Variants in ACP3 observed in about 807,000 individuals in gnomAD.
ACP3 encodes acid phosphatase 3.
ACP3 carries 38 observed loss-of-function variants against 45.6 expected under a neutral mutation model. That is an observed-to-expected ratio of 0.83 (90% CI 0.64 to 1.09). ACP3 has a LOEUF of 1.09. Among genes scored for constraint, ACP3 ranks in the 50% least tolerant of loss-of-function variants. ACP3 has a pLI of 0.00. For synonymous variants in ACP3, 162 were observed against 164.7 expected, an observed-to-expected ratio of 0.98 and a Z score of 0.13; for missense variants, 466 against 463.2, an observed-to-expected ratio of 1.01 and a Z score of -0.05.
chr3:132,355,180 C>T (rs772082324), intron 9 of ACP3, among the ~76,000 whole-genome samples: 4 of 152,218 alleles, frequency 2.6e-5, no homozygotes, highest in Non-Finnish European at 5.9e-5. Flanking sequence ...CAGCAACCCG[C>T]TTATCAACCA....
At chr3:132,355,718 G>A (rs928971936) in intron 9 of ACP3, among the ~76,000 whole-genome samples, 27 of 152,066 alleles carry the variant, frequency 1.8e-4, no homozygotes, top group African/African-American at 5.5e-4. Flanking sequence ...GGGTTTCACC[G>A]TGTTAGCCAG....
At chr3:132,347,741 C>G (rs1275169493) in intron 7 of ACP3, among the ~76,000 whole-genome samples, 1 of 151,982 alleles carries the variant, frequency 6.6e-6, no homozygotes, top group Non-Finnish European at 1.5e-5. Flanking sequence ...CCTTGGCCTC[C>G]CAAAGTTCTG....
chr3:132,353,180 A>G (rs1355561384), intron 9 of ACP3, among the ~76,000 whole-genome samples: 15 of 152,246 alleles, frequency 9.9e-5, no homozygotes, highest in Non-Finnish European at 1.5e-5. Flanking sequence ...AAAGAATTCA[A>G]ACATATTCAT....
At chr3:132,345,949 T>G (rs1455735840) in intron 7 of ACP3, among the ~76,000 whole-genome samples, 1 of 152,142 alleles carries the variant, frequency 6.6e-6, no homozygotes, top group African/African-American at 2.4e-5. Flanking sequence ...AAGAGAAAGT[T>G]CATCATGTCA....
Position 132,328,442 on chromosome 3 carries a change from G to T in ACP3, c.216+80G>T, listed in dbSNP as rs1008215075. ...GCCTGTAATCCCAGCACTTTGGGAG[G>T]CCGAGGCAGGCGGATCAACTGAGGT... On this transcript the variant is annotated intron_variant, in intron 2 of 9. Transcript: ENST00000336375. 6.7e-6 allele frequency: 8 copies of T among 1,198,754 alleles called. No homozygotes were observed. The East Asian group carries it at 1.3e-4, about 19-fold the overall frequency. The allele number at this position is 1,198,754 out of a possible 1,614,324, so 74.3% of individuals were successfully genotyped here. A position where few individuals can be genotyped will look rare whatever the true frequency, so the allele number is the denominator to read the frequency against.
At chr3:132,321,788 G>A (rs1409195052) in intron 1 of ACP3, among the ~76,000 whole-genome samples, 2 of 152,162 alleles carry the variant, frequency 1.3e-5, no homozygotes, top group African/African-American at 4.8e-5. Context: ...TGCTCAATAG[G>A]TAGTGCTCAT....
At chr3:132,320,413 T>C (rs1937184702) in intron 1 of ACP3, among the ~76,000 whole-genome samples, 1 of 152,150 alleles carries the variant, frequency 6.6e-6, no homozygotes, top group Non-Finnish European at 1.5e-5. Flanking sequence ...CCACTTGAGT[T>C]TTTTAAGTTA....
Position 132,357,794 on chromosome 3 carries a change from G to C in ACP3, c.*916G>C, listed in dbSNP as rs1236046874. ...TACGCCTATAATCCCAGCATTTTGG[G>C]AGTCCGAGGTGGGCAGATCACTTGA... is the stretch of plus-strand genomic sequence containing the variant. On this transcript the variant is annotated 3_prime_UTR_variant, in exon 10 of 10. Coordinates refer to ENST00000336375, the MANE Select transcript of ACP3 (RefSeq NM_001099.5). 1 of 966,082 alleles carries C rather than the reference G, an allele frequency of 1.0e-6. No individual in the cohort carries two copies. Among genetic ancestry groups the C allele is most frequent in the African/African-American group, 1.8e-5 (1 of 56,772 alleles). The allele number at this position is 966,082 out of a possible 1,614,324, so 59.8% of individuals were successfully genotyped here.
rs35597004 is a variant in ACP3, at chr3:132,324,218, C to CAA, written c.121-4031_121-4030dup. Among the ~76,000 whole-genome samples the CAA allele has an allele frequency of 9.4e-3, 693 of 73,872 alleles. 4 individuals are homozygous for CAA. The highest frequency in any genetic ancestry group is 0.013 in the Admixed American group (78 of 6,212). The allele number at this position is 73,872 out of a possible 152,430, so 48.5% of individuals were successfully genotyped here. On this transcript the variant is annotated intron_variant, in intron 1 of 9. Transcript: ENST00000336375. ...GGGCAACAAGAGCAGGACTCCATCTCAAAAAAAAAAAAAAAAAAACTCCAC... is the reference window on the plus strand; with the variant it reads ...GGGCAACAAGAGCAGGACTCCATCTCAAAAAAAAAAAAAAAAAAAAACTCCAC...
At chr3:132,343,583 T>C (rs1047548263) in intron 6 of ACP3, among the ~76,000 whole-genome samples, 2 of 152,194 alleles carry the variant, frequency 1.3e-5, no homozygotes, top group South Asian at 2.1e-4. Flanking sequence ...AATGTGGTCA[T>C]GTCATGTGAT....
chr3:132,354,197 C>T (rs973849497), intron 9 of ACP3, among the ~76,000 whole-genome samples: 3 of 152,132 alleles, frequency 2.0e-5, no homozygotes, highest in African/African-American at 7.2e-5. Context: ...CAACCAAATT[C>T]CAGGATCAGC....
rs1937952699 is a variant in ACP3, at chr3:132,358,068, TA to T, written c.*1193del. The T allele has an allele frequency of 2.0e-5, 3 of 153,208 alleles. No individual in the cohort carries two copies. The highest frequency in any genetic ancestry group is 7.4e-5 in the African/African-American group (3 of 40,622). 9.5% of individuals were successfully genotyped at this position (153,208 alleles called of 1,614,324 possible). ...ATAAATAAATAAATAAATAAATAAATAAATAAATAAAAACAAAGTTGATTAA... is the reference window on the plus strand; with the variant it reads ...ATAAATAAATAAATAAATAAATAAATAATAAATAAAAACAAAGTTGATTAA... On this transcript the variant is annotated 3_prime_UTR_variant, in exon 10 of 10. Transcript: ENST00000336375.
downstream of ACP3, among the ~76,000 whole-genome samples, chr3:132,360,423 C>T (rs6791064): frequency 0.12 from 18,856 of 151,920 alleles, 1,400 homozygotes; most frequent in Non-Finnish European, 0.18. Context: ...ATGCAAGATA[C>T]TTTGCAACCC....
At chr3:132,343,925 G>A (rs1459903719) in intron 6 of ACP3, among the ~76,000 whole-genome samples, 2 of 152,100 alleles carry the variant, frequency 1.3e-5, no homozygotes, top group African/African-American at 4.8e-5. Flanking sequence ...TTTGAGGCTA[G>A]AAGTTCAGGA....
intron 10 of ACP3, among the ~76,000 whole-genome samples, chr3:132,365,332 G>A (rs889468208): frequency 6.6e-6 from 1 of 152,222 alleles, no homozygotes; most frequent in African/African-American, 2.4e-5. Context: ...TATACAAGAT[G>A]CACTTTTAAA....
chr3:132,356,671 G>T lies in ACP3; in HGVS notation c.969-15G>T, dbSNP rs779602566. On this transcript the variant is annotated splice_polypyrimidine_tract_variant and intron_variant, in intron 9 of 9. Transcript: ENST00000336375. The stretch of plus-strand genomic sequence containing the variant: ...CAGAACTAACAGAGCTCTCTCCTCT[G>T]CCTTTGTCTGCCAGGGAGTACTTTG... The T allele has an allele frequency of 1.2e-6, 2 of 1,613,490 alleles. No homozygotes were observed. Among genetic ancestry groups the T allele is most frequent in the Non-Finnish European group, 1.7e-6 (2 of 1,179,974 alleles).
downstream of ACP3, among the ~76,000 whole-genome samples, chr3:132,363,764 C>T (rs144367465): frequency 9.0e-3 from 1,365 of 151,788 alleles, 21 homozygotes; most frequent in East Asian, 0.036. Flanking sequence ...AAGGTGAAAC[C>T]CCATCTCTAT....
At chr3:132,348,767 C>G (rs947087881) in intron 7 of ACP3, among the ~76,000 whole-genome samples, 2 of 152,128 alleles carry the variant, frequency 1.3e-5, no homozygotes, top group Non-Finnish European at 1.5e-5. Context: ...TTTCCAGTAT[C>G]TTATAGAAAG....
downstream of ACP3, among the ~76,000 whole-genome samples, chr3:132,363,475 A>G (rs1009994267): frequency 6.6e-6 from 1 of 152,202 alleles, no homozygotes; most frequent in Non-Finnish European, 1.5e-5. Flanking sequence ...GCCTGTTACT[A>G]AAGCCTGTTA....
Sources: gnomAD v4.1 joint callset for allele counts (sites outside exome capture counted in the v4.1 genomes callset) on GRCh38, gnomAD v4.1.1 for gene constraint, MANE v1.5 for transcripts, NCBI Gene and HGNC (gene_info 2026-07-23, HGNC 2026-07-21) for gene names.